Variants in PDE4A observed in about 807,000 individuals in gnomAD.
PDE4A encodes the protein phosphodiesterase 4A.
PDE4A carries 21 observed loss-of-function variants against 73.9 expected under a neutral mutation model. The observed-to-expected ratio is 0.28, with a 90% CI of 0.20 to 0.41. The LOEUF is 0.41. PDE4A is among the 10% of genes least tolerant of loss of function. PDE4A has a pLI of 1.00. For missense variants in PDE4A, 958 were observed against 1,211.4 expected, an observed-to-expected ratio of 0.79 and a Z score of 3.10; for synonymous variants, 463 against 505.4, an observed-to-expected ratio of 0.92 and a Z score of 1.13.
intron 10 of PDE4A, 122 bp downstream of exon 10, chr19:10,459,881 T>C: frequency 4.3e-6 from 5 of 1,169,176 alleles, no homozygotes. Context: ...CATTTCTCTC[T>C]CTTTTTTTTT....
rs938287455 is a variant in PDE4A, at chr19:10,424,547, C to T, written c.320+3463C>T. ...TCCGAGCGCGGACCTGCTCCAGGGA[C>T]GCCGCCAGTCCCGGAGCAAAGCAAA... On this transcript the variant is annotated intron_variant, in intron 1 of 14. Transcript: ENST00000380702. This position sits in a 1 kb window ranked among gnomAD's most constrained non-coding sequence, Gnocchi z 4.8. 6.6e-6 allele frequency among the ~76,000 whole-genome samples: 1 copy of T among 152,362 alleles called. No homozygotes were observed.
At chr19:10,461,720 C>CTAGG (rs2043275254) in intron 12 of PDE4A, 40 bp downstream of exon 12, 3 of 1,608,266 alleles carry the variant, frequency 1.9e-6, no homozygotes, top group Admixed American at 1.7e-5. Context: ...GAAAGGAAGC[C>CTAGG]TAGGAGTCGA....
upstream of PDE4A, chr19:10,417,810 A>G (rs762249549): frequency 3.0e-5 from 46 of 1,554,166 alleles, no homozygotes; most frequent in Middle Eastern, 6.7e-4. Context: ...ACGGCCCACC[A>G]CCCTGCCGCT....
chr19:10,450,555 T>TG (rs2043072823), intron 4 of PDE4A, 48 bp from the exon 5 acceptor site: 4 of 1,552,934 alleles, frequency 2.6e-6, no homozygotes, highest in East Asian at 4.6e-5. Flanking sequence ...AGGGACCTGG[T>TG]GGGGGGACCC....
chr19:10,451,215 G>A (rs2043086342), intron 6 of PDE4A, among the ~76,000 whole-genome samples: 1 of 151,798 alleles, frequency 6.6e-6, no homozygotes, highest in Admixed American at 6.6e-5. Context: ...ATGAGGGTGG[G>A]GCCAATCTCT....
intron 6 of PDE4A, 110 bp downstream of exon 6, chr19:10,451,051 C>G: frequency 9.4e-7 from 1 of 1,062,278 alleles, no homozygotes; most frequent in Non-Finnish European, 1.4e-6. Context: ...ATGGAGCCAG[C>G]CATTAGGTTG....
intron 1 of PDE4A, chr19:10,432,470 GCC>G (rs1449578230): frequency 1.3e-6 from 2 of 1,494,528 alleles, no homozygotes; most frequent in Non-Finnish European, 1.8e-6. Flanking sequence ...CCCGGCCCCG[GCC>G]CCCTGCCCTG....
chr19:10,418,585 G>A (rs571072060), upstream of PDE4A: 1 of 163,364 alleles, frequency 6.1e-6, no homozygotes, highest in African/African-American at 2.4e-5. Context: ...GATAGGGAGA[G>A]CAAGTGACTG....
At chr19:10,432,681 C>A in intron 1 of PDE4A, 1 of 1,086,978 alleles carries the variant, frequency 9.2e-7, no homozygotes, top group Non-Finnish European at 1.3e-6. Flanking sequence ...AAGTGGCTTC[C>A]AGGATCTGGC....
At chr19:10,417,576 C>T, upstream of PDE4A, 3 of 1,483,798 alleles carry the variant, frequency 2.0e-6, no homozygotes, top group Admixed American at 2.2e-5. Flanking sequence ...CTCCCTTAGA[C>T]AGCTAGGTAG....
At chr19:10,452,020 GGTGTGTGTGTGT>G (rs58194674) in intron 6 of PDE4A, among the ~76,000 whole-genome samples, 51 of 140,200 alleles carry the variant, frequency 3.6e-4, no homozygotes, top group Admixed American at 1.2e-3. Flanking sequence ...TTTCTGCAAT[GGTGTGTGTGTGT>G]GTGTGTGTGT....
At chr19:10,456,843 T>C (rs1293219370) in intron 7 of PDE4A, among the ~76,000 whole-genome samples, 1 of 152,188 alleles carries the variant, frequency 6.6e-6, no homozygotes. Context: ...AATTTAATCC[T>C]CGCAGTTTAT....
At position 10,424,975 on chromosome 19, in the gene PDE4A, A is replaced by T. The variant is rs1027277211; in HGVS notation, c.320+3891A>T. On this transcript the variant is annotated intron_variant, in intron 1 of 14. Coordinates refer to ENST00000380702, the MANE Select transcript of PDE4A (RefSeq NM_001111307.2). This position sits in a 1 kb window ranked among gnomAD's most constrained non-coding sequence, Gnocchi z 4.8. The stretch of plus-strand genomic sequence containing the variant: ...GGCGCGGTGGCTCTGTAATCTGAGC[A>T]CTTTGGGAGACCGAGGTGGGCGGAT... Among the ~76,000 whole-genome samples, 9 of 152,186 alleles carry T rather than the reference A, an allele frequency of 5.9e-5. No individual in the cohort carries two copies. Among genetic ancestry groups the T allele is most frequent in the African/African-American group, 1.9e-4 (8 of 41,454 alleles).
At chr19:10,459,140 C>T in intron 8 of PDE4A, 2 of 512,430 alleles carry the variant, frequency 3.9e-6, no homozygotes, top group Non-Finnish European at 3.4e-6. Flanking sequence ...AGCCTTGGTG[C>T]CTTCACCTGC....
intron 1 of PDE4A, among the ~76,000 whole-genome samples, chr19:10,430,254 C>A (rs1237884997): frequency 6.6e-6 from 1 of 151,914 alleles, no homozygotes; most frequent in Non-Finnish European, 1.5e-5. Context: ...TGTGGATGCA[C>A]CCTGGGATTC....
upstream of PDE4A, chr19:10,420,334 C>A: frequency 2.1e-6 from 2 of 960,840 alleles, no homozygotes; most frequent in Non-Finnish European, 2.5e-6. The surrounding 1 kb of genome is among the most constrained non-coding windows in gnomAD (Gnocchi z 6.0). Flanking sequence ...CGAGTTCCAG[C>A]GCCCCCTCCC....
chr19:10,456,160 A>G (rs2043167118), intron 7 of PDE4A, among the ~76,000 whole-genome samples: 2 of 151,596 alleles, frequency 1.3e-5, no homozygotes, highest in African/African-American at 4.8e-5. Context: ...GGAGGCTGAG[A>G]AAAGAGGATC....
At chr19:10,416,941 A>G (rs2042593581), upstream of PDE4A, 3 of 1,542,694 alleles carry the variant, frequency 1.9e-6, no homozygotes, top group Non-Finnish European at 2.6e-6. Context: ...TAGGTTGGCG[A>G]GATGAAGAGG....
rs1235228166 is a variant in PDE4A, at chr19:10,466,372, G to C, written c.1927-515G>C. On this transcript the variant is annotated intron_variant, in intron 14 of 14. Transcript: ENST00000380702. ...AGGCAGGAGAATGGCGTGAGCCCGG[G>C]AGGCAGAGGTTGCAGTGAGCCGAGA... Among the ~76,000 whole-genome samples the C allele has an allele frequency of 1.4e-5, 2 of 145,680 alleles. 1 individual carries two copies. Among genetic ancestry groups the C allele is most frequent in the East Asian group, 4.3e-4 (2 of 4,640 alleles).
Sources: gnomAD v4.1 joint callset for allele counts (sites outside exome capture counted in the v4.1 genomes callset) on GRCh38, gnomAD v4.1.1 for gene constraint, Gnocchi (gnomAD v3.1) non-coding constraint, MANE v1.5 for transcripts, NCBI Gene and HGNC (gene_info 2026-07-23, HGNC 2026-07-21) for gene names.